The following CCDC171 variants were observed in gnomAD, a reference collection of about 807,000 sequenced individuals.
The protein encoded by CCDC171 is coiled-coil domain containing 171, also known as coiled-coil domain-containing protein 171.
CCDC171 carries 177 observed loss-of-function variants against 168.2 expected under a neutral mutation model. The ratio of observed to expected loss-of-function variants is 1.05; its 90% CI spans 0.93 to 1.19. The LOEUF (loss-of-function observed/expected upper bound fraction) is 1.19, where lower values mean the gene tolerates loss of function less well. CCDC171 is among the 50% of genes most tolerant of loss of function. The pLI is 0.00. For missense variants in CCDC171, 1,991 were observed against 1,539.0 expected, an observed-to-expected ratio of 1.29 and a Z score of -4.91; for synonymous variants, 687 against 540.8, an observed-to-expected ratio of 1.27 and a Z score of -3.75.
intron 1 of CCDC171, among the ~76,000 whole-genome samples, chr9:15,561,361 A>G (rs1269821640): frequency 6.6e-6 from 1 of 152,192 alleles, no homozygotes; most frequent in Non-Finnish European, 1.5e-5. Flanking sequence ...GGAAAGTAAT[A>G]TTTAGAGTTC....
At chr9:15,853,241 C>G (rs1334609228) in intron 23 of CCDC171, among the ~76,000 whole-genome samples, 4 of 151,582 alleles carry the variant, frequency 2.6e-5, no homozygotes, top group Non-Finnish European at 5.9e-5. Context: ...TTTAGATCTT[C>G]TTTAATTTCT....
chr9:15,571,470 C>T (rs2040216096), intron 2 of CCDC171, among the ~76,000 whole-genome samples, 154 bp from the exon 3 acceptor site: 2 of 152,024 alleles, frequency 1.3e-5, no homozygotes, highest in Non-Finnish European at 2.9e-5. Context: ...ATAGCTTTTG[C>T]AGTGGACATC....
the CCDC171 span, among the ~76,000 whole-genome samples, chr9:16,074,586 T>A: frequency 6.6e-6 from 1 of 152,134 alleles, no homozygotes; most frequent in Non-Finnish European, 1.5e-5. Context: ...AATTTACAAA[T>A]GAGAGGGGTT....
chr9:15,823,801 A>G (rs530278153), intron 21 of CCDC171, among the ~76,000 whole-genome samples: 2 of 152,136 alleles, frequency 1.3e-5, no homozygotes, highest in Non-Finnish European at 2.9e-5. Context: ...AATGCTTTAC[A>G]CAGATTTAAA....
intron 6 of CCDC171, among the ~76,000 whole-genome samples, chr9:15,616,707 G>A (rs768717771): frequency 2.6e-5 from 4 of 152,118 alleles, no homozygotes; most frequent in Non-Finnish European, 5.9e-5. Context: ...GATTGAAGGA[G>A]GAGGACCTAT....
intron 3 of CCDC171, among the ~76,000 whole-genome samples, chr9:15,988,269 ATTTTG>A (rs1381636977): frequency 1.3e-5 from 2 of 151,748 alleles, no homozygotes; most frequent in Non-Finnish European, 2.9e-5. Flanking sequence ...TGTACACTGT[ATTTTG>A]TTTTTTTAGA....
At chr9:15,870,341 A>C (rs2131156196) in intron 23 of CCDC171, among the ~76,000 whole-genome samples, 1 of 152,006 alleles carries the variant, frequency 6.6e-6, no homozygotes, top group Non-Finnish European at 1.5e-5. Context: ...AAAGTACAAC[A>C]TGAATGCAGG....
At chr9:15,778,023 C>T (rs1226590402) in intron 19 of CCDC171, among the ~76,000 whole-genome samples, 197 bp downstream of exon 19, 5 of 152,208 alleles carry the variant, frequency 3.3e-5, no homozygotes, top group East Asian at 1.9e-4. Context: ...ACTGGCCGGG[C>T]GCGGTGGCTC....
intron 7 of CCDC171, among the ~76,000 whole-genome samples, chr9:15,647,345 C>T (rs201430381): frequency 6.6e-6 from 1 of 151,988 alleles, no homozygotes; most frequent in Non-Finnish European, 1.5e-5. Flanking sequence ...AAAAGAATTA[C>T]AGAAGCAAGA....
intron 4 of CCDC171, among the ~76,000 whole-genome samples, chr9:16,022,113 A>G (rs948570674): frequency 1.3e-5 from 2 of 152,322 alleles, no homozygotes; most frequent in African/African-American, 2.4e-5. Context: ...CACAGTGGCC[A>G]TGATTGGCAG....
intron 1 of CCDC171, among the ~76,000 whole-genome samples, chr9:15,555,536 T>C (rs1197146020): frequency 6.6e-6 from 1 of 152,132 alleles, no homozygotes; most frequent in East Asian, 1.9e-4. Context: ...TCTTACATGC[T>C]TCCCTGACTG....
At chr9:15,802,250 A>ATTTT (rs139449747) in intron 21 of CCDC171, among the ~76,000 whole-genome samples, 2,623 of 151,942 alleles carry the variant, frequency 0.017, 95 homozygotes, top group African/African-American at 0.06. Flanking sequence ...AATTTAATTA[A>ATTTT]TTATTTTCAA....
chr9:15,792,703 A>T (rs1212400651), intron 21 of CCDC171, among the ~76,000 whole-genome samples: 1 of 152,162 alleles, frequency 6.6e-6, no homozygotes, highest in African/African-American at 2.4e-5. Context: ...TCAACCCAGA[A>T]TTTCATATCC....
intron 16 of CCDC171, among the ~76,000 whole-genome samples, chr9:15,743,129 T>A (rs1168782596): frequency 6.8e-6 from 1 of 147,186 alleles, no homozygotes; most frequent in African/African-American, 2.5e-5. Context: ...AACTGGGATC[T>A]GTTACCTTCT....
At chr9:16,057,665 A>C (rs925579889) in intron 1 of CCDC171, among the ~76,000 whole-genome samples, 2 of 152,158 alleles carry the variant, frequency 1.3e-5, no homozygotes, top group African/African-American at 4.8e-5. Flanking sequence ...CCCAGCCCCA[A>C]AGCCCCCTCC....
intron 9 of CCDC171, among the ~76,000 whole-genome samples, chr9:15,675,339 G>T (rs995835117): frequency 6.6e-6 from 1 of 151,956 alleles, no homozygotes; most frequent in African/African-American, 2.4e-5. Context: ...TTGCCAGTCT[G>T]TGTCTTTTAC....
At chr9:15,683,497 C>T (rs1290666542) in intron 10 of CCDC171, among the ~76,000 whole-genome samples, 1 of 151,612 alleles carries the variant, frequency 6.6e-6, no homozygotes, top group Non-Finnish European at 1.5e-5. Flanking sequence ...TGTTTTTCAC[C>T]AAGAATAGGA....
chr9:16,047,397 TC>T (rs1833678716), intron 1 of CCDC171, among the ~76,000 whole-genome samples: 1 of 152,138 alleles, frequency 6.6e-6, no homozygotes, highest in Non-Finnish European at 1.5e-5. Flanking sequence ...TCGTTCTACC[TC>T]CAGCATCTCC....
At chr9:15,999,515 G>C (rs928206243) in intron 3 of CCDC171, among the ~76,000 whole-genome samples, 1 of 152,088 alleles carries the variant, frequency 6.6e-6, no homozygotes, top group African/African-American at 2.4e-5. Context: ...CACGCAGCTC[G>C]GACCTCTCTA....
Sources: gnomAD v4.1 joint callset for allele counts (sites outside exome capture counted in the v4.1 genomes callset) on GRCh38, gnomAD v4.1.1 for gene constraint, MANE v1.5 for transcripts, NCBI Gene and HGNC (gene_info 2026-07-23, HGNC 2026-07-21) for gene names.